AP3B1: variants seen among roughly 807,000 people sequenced by gnomAD.
AP3B1 encodes AP-3 complex subunit beta-1.
Under a neutral mutation model 132.5 loss-of-function variants are expected in AP3B1, and 61 were observed. The observed-to-expected ratio is 0.46, with a 90% CI of 0.37 to 0.57. The LOEUF is 0.57. AP3B1 is among the 20% of genes least tolerant of loss of function. AP3B1 has a pLI of 0.00. For missense variants in AP3B1, 1,120 were observed against 1,289.4 expected, an observed-to-expected ratio of 0.87 and a Z score of 2.01; for synonymous variants, 388 against 438.3, an observed-to-expected ratio of 0.89 and a Z score of 1.43.
chr5:78,073,362 C>T (rs1398143525), intron 22 of AP3B1, among the ~76,000 whole-genome samples: 6 of 152,182 alleles, frequency 3.9e-5, no homozygotes, highest in African/African-American at 1.4e-4. Flanking sequence ...GTTAACTTGG[C>T]TGACATGTAA....
intron 7 of AP3B1, among the ~76,000 whole-genome samples, chr5:78,197,460 C>T (rs1209461410): frequency 6.6e-6 from 1 of 152,044 alleles, no homozygotes; most frequent in Non-Finnish European, 1.5e-5. Flanking sequence ...TCCACAGGCT[C>T]ATGGAATAAA....
intron 25 of AP3B1, chr5:78,015,823 T>A (rs1033520311): frequency 2.1e-5 from 8 of 388,684 alleles, no homozygotes; most frequent in Non-Finnish European, 3.3e-5. Flanking sequence ...GAATCACACA[T>A]ATGAAATATC....
intron 6 of AP3B1, among the ~76,000 whole-genome samples, chr5:78,224,920 A>T (rs1418725618): frequency 6.6e-6 from 1 of 152,096 alleles, no homozygotes; most frequent in Non-Finnish European, 1.5e-5. Flanking sequence ...GCATAAGATC[A>T]GCAAAGTAGA....
chr5:78,273,107 G>A (rs184125331), intron 1 of AP3B1, among the ~76,000 whole-genome samples: 96 of 151,874 alleles, frequency 6.3e-4, no homozygotes, highest in Middle Eastern at 3.4e-3. Context: ...AGCACAAAAA[G>A]TGAGCCCCTA....
intron 22 of AP3B1, among the ~76,000 whole-genome samples, chr5:78,057,008 T>C (rs1192664208): frequency 5.9e-5 from 9 of 152,216 alleles, no homozygotes. Flanking sequence ...CCAACTCTTC[T>C]AGAACATAGT....
At chr5:78,236,567 T>G (rs1202200480) in intron 3 of AP3B1, among the ~76,000 whole-genome samples, 1 of 152,224 alleles carries the variant, frequency 6.6e-6, no homozygotes, top group Non-Finnish European at 1.5e-5. Flanking sequence ...ATCAGCTAAT[T>G]TAACCTTTCT....
intron 22 of AP3B1, among the ~76,000 whole-genome samples, chr5:78,057,825 A>G (rs971203193): frequency 3.6e-4 from 55 of 152,296 alleles, no homozygotes; most frequent in Non-Finnish European, 1.8e-4. Flanking sequence ...CCAGCCCATT[A>G]TGATCTTAAC....
chr5:78,209,506 G>A lies in AP3B1; in HGVS notation c.786+6549C>T, dbSNP rs946244699. On this transcript the variant is annotated intron_variant, in intron 7 of 26. Transcript: ENST00000255194. Reference sequence around the variant, plus strand: ...AATCCATCTATGACCTAGAAGCCCCGTCTTCAAGTTGTCCTGCCTTTCCAG... The same window carrying A: ...AATCCATCTATGACCTAGAAGCCCCATCTTCAAGTTGTCCTGCCTTTCCAG... Among the ~76,000 whole-genome samples the A allele has an allele frequency of 4.6e-5, 7 of 152,162 alleles. No homozygotes were observed. In the East Asian group the frequency reaches 5.8e-4, roughly 13 times the overall value.
intron 2 of AP3B1, among the ~76,000 whole-genome samples, chr5:78,263,851 G>A (rs950993888): frequency 2.6e-5 from 4 of 152,066 alleles, no homozygotes; most frequent in African/African-American, 7.2e-5. Context: ...TTTGGTCAAG[G>A]AGGGACCACA....
intron 7 of AP3B1, among the ~76,000 whole-genome samples, chr5:78,215,445 AAAG>A (rs1479591585): frequency 1.3e-5 from 2 of 152,184 alleles, no homozygotes; most frequent in Non-Finnish European, 2.9e-5. Context: ...TACTTAAAAA[AAAG>A]AATAAGGCGT....
intron 14 of AP3B1, among the ~76,000 whole-genome samples, chr5:78,143,728 T>C (rs1465744340): frequency 6.6e-6 from 1 of 152,136 alleles, no homozygotes; most frequent in Non-Finnish European, 1.5e-5. Context: ...AGTCACTTTT[T>C]AGAGGCCAGG....
chr5:78,092,421 G>A (rs1750561293), intron 21 of AP3B1, among the ~76,000 whole-genome samples: 1 of 152,110 alleles, frequency 6.6e-6, no homozygotes, highest in African/African-American at 2.4e-5. Context: ...TGAATTCTGA[G>A]GCTAGGTGAC....
intron 21 of AP3B1, among the ~76,000 whole-genome samples, chr5:78,100,526 T>A (rs1488628660): frequency 6.6e-6 from 1 of 152,180 alleles, no homozygotes; most frequent in Admixed American, 6.5e-5. Context: ...CCCATTTCCA[T>A]TCCTACTGAA....
chr5:78,067,387 T>A (rs1749338521), intron 22 of AP3B1, among the ~76,000 whole-genome samples: 1 of 152,126 alleles, frequency 6.6e-6, no homozygotes, highest in African/African-American at 2.4e-5. Flanking sequence ...AGAAGATAAT[T>A]CAGAACTTGA....
At chr5:78,262,006 T>C (rs1258925188) in intron 2 of AP3B1, among the ~76,000 whole-genome samples, 1 of 151,922 alleles carries the variant, frequency 6.6e-6, no homozygotes, top group African/African-American at 2.4e-5. Flanking sequence ...TGACCTCAAG[T>C]AATCCGCCCA....
chr5:78,128,213 G>A, intron 16 of AP3B1, 53 bp from the exon 17 acceptor site: 2 of 1,441,254 alleles, frequency 1.4e-6, no homozygotes, highest in Non-Finnish European at 1.9e-6. Flanking sequence ...GTATATAACA[G>A]AGAACAATCA....
In AP3B1 at chr5:78,020,767, C is replaced by T. The variant is rs762271046; in HGVS notation, c.2917G>A (p.Val973Ile). The change falls in exon 25 of 27, where the codon GTT (valine) becomes ATT (isoleucine). Residue 973 changes from valine (V) to isoleucine (I), a missense_variant. By Grantham distance (29) the Val-to-Ile change is conservative. Transcript: ENST00000255194. Reference protein sequence around the residue: ...QLCTKDDCFNVNIQPPVGELL... With the variant: ...QLCTKDDCFNINIQPPVGELL... ...TCTCCAACAGGTGGCTGAATATTAA[C>T]ATTGAAGCAATCATCCTTGGTACTG... is the stretch of plus-strand genomic sequence containing the variant. The T allele has an allele frequency of 6.2e-7, 1 of 1,612,184 alleles. No homozygotes were observed. The highest frequency in any genetic ancestry group is 8.5e-7 in the Non-Finnish European group (1 of 1,179,048).
chr5:78,113,752 C>T lies in AP3B1; in HGVS notation c.2249G>A (p.Ser750Asn), dbSNP rs1226381729. Reference protein sequence around the residue: ...AKRNSKAKGKSDSEDGEKENE... With the variant: ...AKRNSKAKGKNDSEDGEKENE... ...AGGAAATTCTGACAAAATAAGTTAC[C>T]TTTTTCCTTTGGCTTTTGAGTTCCT... Residue 750 changes from serine to asparagine, a missense_variant and splice_region_variant, in exon 19 of 27, where the codon AGT becomes AAT. Transcript: ENST00000255194. 2 of 1,613,464 alleles carry T rather than the reference C, an allele frequency of 1.2e-6. No homozygotes were observed. The highest frequency in any genetic ancestry group is 1.3e-5 in the African/African-American group (1 of 74,858).
intron 14 of AP3B1, among the ~76,000 whole-genome samples, chr5:78,147,121 T>A (rs1051202079): frequency 2.6e-5 from 4 of 152,138 alleles, no homozygotes; most frequent in African/African-American, 9.6e-5. Flanking sequence ...ACATTGTAAC[T>A]ATTTTATCAA....
Sources: allele counts gnomAD v4.1 joint callset (sites outside exome capture counted in the v4.1 genomes callset), GRCh38; gene constraint gnomAD v4.1.1; transcripts MANE v1.5; gene names NCBI Gene and HGNC (gene_info 2026-07-23, HGNC 2026-07-21).